The following NTRK3 variants were observed in gnomAD, a reference collection of about 807,000 sequenced individuals.
NTRK3 encodes the protein neurotrophic receptor tyrosine kinase 3, also known as NT-3 growth factor receptor.
NTRK3 carries 24 observed loss-of-function variants against 91.7 expected under a neutral mutation model. The observed-to-expected ratio is 0.26, with a 90% CI of 0.19 to 0.37. NTRK3 has a LOEUF of 0.37. Ranked by LOEUF, NTRK3 falls within the 10% of genes least tolerant of loss-of-function variation. The pLI is 1.00. For missense variants in NTRK3, 880 were observed against 1,068.9 expected (o/e 0.82, Z 2.46); for synonymous variants, 483 against 404.0 (o/e 1.20, Z -2.34).
intron 3 of NTRK3, among the ~76,000 whole-genome samples, chr15:88,238,573 C>T (rs2052022673): frequency 6.6e-6 from 1 of 152,208 alleles, no homozygotes; most frequent in African/African-American, 2.4e-5. Flanking sequence ...GTATTCAGCC[C>T]ACGATTTTAT....
At chr15:88,027,629 G>A (rs1004630059) in intron 14 of NTRK3, among the ~76,000 whole-genome samples, 8 of 152,228 alleles carry the variant, frequency 5.3e-5, no homozygotes, top group Middle Eastern at 3.4e-3. Context: ...TGATCCCCCC[G>A]CCTCGGCCTC....
At chr15:87,889,279 T>C (rs893421147) in intron 17 of NTRK3, among the ~76,000 whole-genome samples, 3 of 152,082 alleles carry the variant, frequency 2.0e-5, no homozygotes, top group South Asian at 4.1e-4. Context: ...TATAGATTCC[T>C]AGGCTTGACA....
chr15:87,863,722 C>A (rs528457511), exon 19 of NTRK3: 2 of 227,710 alleles, frequency 8.8e-6, no homozygotes, highest in Admixed American at 1.1e-4. Context: ...ACAGTCCCCA[C>A]CTACTGATTT....
rs1377530521 is a variant in NTRK3 at position 87,880,246 on chromosome 15, G to C, written c.2292+24C>G. 16 of 1,613,814 alleles carry C rather than the reference G, an allele frequency of 9.9e-6. No individual in the cohort carries two copies. The South Asian group carries it at 1.5e-4, about 16-fold the overall frequency. ...CTCTTATGAGCCCTCCCCCAATCAA[G>C]ATTCCTACGCACCCCCTTTTTACCT... On this transcript the variant is annotated intron_variant, in intron 18 of 18. Coordinates refer to ENST00000394480, the Ensembl canonical transcript of NTRK3.
intron 13 of NTRK3, among the ~76,000 whole-genome samples, chr15:88,077,569 A>G (rs1408135102): frequency 6.6e-6 from 1 of 152,098 alleles, no homozygotes; most frequent in Non-Finnish European, 1.5e-5. Context: ...TTTATGCCTG[A>G]GTCATTTGTC....
intron 3 of NTRK3, among the ~76,000 whole-genome samples, chr15:88,186,904 A>T (rs2046989965): frequency 6.6e-6 from 1 of 152,178 alleles, no homozygotes; most frequent in South Asian, 2.1e-4. Flanking sequence ...CCCTATCTAT[A>T]TGACCCTGTC....
intron 14 of NTRK3, among the ~76,000 whole-genome samples, chr15:87,990,842 G>T (rs2075230874): frequency 6.6e-6 from 1 of 152,090 alleles, no homozygotes; most frequent in South Asian, 2.1e-4. Context: ...AAATGATGGA[G>T]CAATGTCCCC....
intron 14 of NTRK3, among the ~76,000 whole-genome samples, chr15:87,944,713 T>C (rs2070264739): frequency 6.6e-6 from 1 of 152,220 alleles, no homozygotes; most frequent in Non-Finnish European, 1.5e-5. Flanking sequence ...TGGAATTCTA[T>C]GACAGCATCT....
chr15:87,979,399 G>A, intron 14 of NTRK3: 2 of 1,613,970 alleles, frequency 1.2e-6, no homozygotes, highest in South Asian at 2.2e-5. Context: ...CAACATAGAT[G>A]CCATGGTTAA....
Position 88,082,869 on chromosome 15 carries a change from C to T in NTRK3, c.1396+43402G>A, listed in dbSNP as rs1189598717. On this transcript the variant is annotated intron_variant, in intron 13 of 18. Coordinates refer to ENST00000394480, the Ensembl canonical transcript of NTRK3. The stretch of plus-strand genomic sequence containing the variant: ...TTTATCTCTTTTACACAGGGGCTTC[C>T]ACAAAGACTTCTCTTGCCCAAAAGG... 5.9e-5 allele frequency among the ~76,000 whole-genome samples: 9 copies of T among 152,262 alleles called. No homozygotes were observed. In the East Asian group the frequency reaches 1.5e-3, roughly 26 times the overall value.
At chr15:88,121,322 C>A (rs1178776768) in intron 13 of NTRK3, among the ~76,000 whole-genome samples, 1 of 152,036 alleles carries the variant, frequency 6.6e-6, no homozygotes, top group Non-Finnish European at 1.5e-5. Context: ...CAGTGTGCAG[C>A]CAAGACAAAG....
chr15:87,924,677 C>T (rs1385060842), intron 17 of NTRK3, among the ~76,000 whole-genome samples: 2 of 152,204 alleles, frequency 1.3e-5, no homozygotes, highest in African/African-American at 2.4e-5. Context: ...CAAAGGCTCA[C>T]CTCCCCTAAG....
chr15:88,137,417 G>A (rs776728988), exon 7 of NTRK3: 10 of 1,613,778 alleles, frequency 6.2e-6, no homozygotes, highest in Non-Finnish European at 7.6e-6. Context: ...ACTGACTGAT[G>A]TTCATGCGGA....
rs983777525 is a variant in NTRK3, at chr15:87,929,493, G to C, written c.1890-59C>G. 5 of 1,596,426 alleles carry C rather than the reference G, an allele frequency of 3.1e-6. No individual in the cohort carries two copies. In the African/African-American group the frequency reaches 5.4e-5, roughly 17 times the overall value. On this transcript the variant is annotated intron_variant, in intron 16 of 18. Coordinates refer to ENST00000394480, the Ensembl canonical transcript of NTRK3. ...GAGAAATCAGGAGATCAAGGAGAAA[G>C]GCCTTCCTGGGTCCCTGCCCTCTGG...
In NTRK3 at chr15:88,233,182, T is replaced by TA. The variant is rs1437290140; in HGVS notation, c.248+22723dup. 6.6e-6 allele frequency among the ~76,000 whole-genome samples: 1 copy of TA among 152,128 alleles called. No homozygotes were observed. The highest frequency in any genetic ancestry group is 1.5e-5 in the Non-Finnish European group (1 of 68,018). Reference sequence around the variant, plus strand: ...TTTTCCTCTGGAGCTAAAGCCTGAATAAGCAAAAAGAAAAAATTAAAACCG... The same window carrying TA: ...TTTTCCTCTGGAGCTAAAGCCTGAATAAAGCAAAAAGAAAAAATTAAAACCG... On this transcript the variant is annotated intron_variant, in intron 3 of 18. Transcript: ENST00000394480. This position sits in a 1 kb window ranked among gnomAD's most constrained non-coding sequence, Gnocchi z 4.2.
At chr15:88,008,347 G>A (rs1227521969) in intron 14 of NTRK3, among the ~76,000 whole-genome samples, 1 of 152,028 alleles carries the variant, frequency 6.6e-6, no homozygotes, top group African/African-American at 2.4e-5. Flanking sequence ...TAACCACTCA[G>A]GGCTTCAGTT....
At chr15:88,162,171 T>G (rs945621160) in intron 5 of NTRK3, among the ~76,000 whole-genome samples, 2 of 152,204 alleles carry the variant, frequency 1.3e-5, no homozygotes, top group Non-Finnish European at 2.9e-5. Context: ...GATATAAGGC[T>G]TCCAGAAGGT....
At chr15:88,000,326 C>T (rs373160171) in intron 14 of NTRK3, among the ~76,000 whole-genome samples, 52 of 152,326 alleles carry the variant, frequency 3.4e-4, no homozygotes, top group African/African-American at 1.2e-3. Flanking sequence ...GAACAAGGAG[C>T]TCATGCAAGG....
At chr15:87,916,636 C>G in intron 17 of NTRK3, 1 of 698,318 alleles carries the variant, frequency 1.4e-6, no homozygotes, top group Non-Finnish European at 2.6e-6. Context: ...TAACTAGAAA[C>G]CACCCTCAGA....
Sources: gnomAD v4.1 joint callset for allele counts (sites outside exome capture counted in the v4.1 genomes callset) on GRCh38, gnomAD v4.1.1 for gene constraint, Gnocchi (gnomAD v3.1) non-coding constraint, MANE v1.5 for transcripts, NCBI Gene and HGNC (gene_info 2026-07-23, HGNC 2026-07-21) for gene names.